DTNBP1: variants seen among roughly 807,000 people sequenced by gnomAD.
DTNBP1 encodes dysbindin.
In DTNBP1, 35 loss-of-function variants were observed where a neutral mutation model predicts 42.8. The ratio of observed to expected loss-of-function variants is 0.82; its 90% CI spans 0.63 to 1.09. The LOEUF is 1.09. Ranked by LOEUF, DTNBP1 falls within the 50% of genes least tolerant of loss-of-function variation. The pLI, the probability that DTNBP1 is intolerant of heterozygous loss-of-function variation, is 0.00. For missense variants in DTNBP1, 457 were observed against 424.2 expected (o/e 1.08, Z -0.68); for synonymous variants, 171 against 162.2 (o/e 1.05, Z -0.41).
In DTNBP1 at chr6:15,627,340, TACTC is replaced by T; in HGVS notation, c.354_355+2del. 1 of 1,613,322 alleles carries T rather than the reference TACTC, an allele frequency of 6.2e-7. No individual in the cohort carries two copies. Among genetic ancestry groups the T allele is most frequent in the South Asian group, 1.1e-5 (1 of 91,052 alleles). On this transcript the variant is annotated splice_donor_variant and coding_sequence_variant, in exon 5 of 10. Coordinates refer to ENST00000344537, the MANE Select transcript of DTNBP1 (RefSeq NM_032122.5). LOFTEE classifies it high-confidence loss of function. ...TAATGTACAATGAAAACATTGGACT[TACTC>T]AGATTTGCTGTCATGGATTCTAAGT...
At chr6:15,569,843 G>A (rs576312970) in intron 7 of DTNBP1, among the ~76,000 whole-genome samples, 17 of 152,128 alleles carry the variant, frequency 1.1e-4, no homozygotes, top group Admixed American at 9.2e-4. Flanking sequence ...TAGTCACCAC[G>A]TCAGGTAGTC....
rs70996562 is a variant in DTNBP1, at chr6:15,636,157, C to CTTTTTTTTTTTTTTTT, written c.222+1586_222+1587insAAAAAAAAAAAAAAAA. Reference sequence around the variant, plus strand: ...GTCAAAGAACACAAATTACCTGCACCTTTTTTTTTTTTTTTGAGACAGAGT... The same window carrying CTTTTTTTTTTTTTTTT: ...GTCAAAGAACACAAATTACCTGCACCTTTTTTTTTTTTTTTTTTTTTTTTTTTTTTTGAGACAGAGT... On this transcript the variant is annotated intron_variant, in intron 4 of 9. Coordinates refer to ENST00000344537, the MANE Select transcript of DTNBP1 (RefSeq NM_032122.5). Among the ~76,000 whole-genome samples, 20 of 127,024 alleles carry CTTTTTTTTTTTTTTTT rather than the reference C, an allele frequency of 1.6e-4. 3 individuals carry two copies. Among genetic ancestry groups the CTTTTTTTTTTTTTTTT allele is most frequent in the African/African-American group, 4.1e-4 (13 of 31,564 alleles). The allele number at this position is 127,024 out of a possible 152,430, so 83.3% of individuals were successfully genotyped here.
At chr6:15,650,112 G>C (rs905185497) in intron 3 of DTNBP1, among the ~76,000 whole-genome samples, 3 of 152,104 alleles carry the variant, frequency 2.0e-5, no homozygotes, top group African/African-American at 7.2e-5. Context: ...AACTAGAAAG[G>C]AGAAAGGAAA....
intron 6 of DTNBP1, among the ~76,000 whole-genome samples, chr6:15,609,405 C>T (rs540819917): frequency 9.2e-5 from 14 of 152,068 alleles, no homozygotes; most frequent in South Asian, 4.2e-4. Context: ...CTGCAACCTC[C>T]GCCTCCCGGG....
rs1363970460 is a variant in DTNBP1, at chr6:15,524,607, T to C, written c.730A>G (p.Met244Val). ...NVDMLEQMDLMDISDQEALDV... is the reference protein window; with the variant it reads ...NVDMLEQMDLVDISDQEALDV... ...AGGGCCTCCTGGTCCGATATGTCCA[T>C]CAGGTCCATCTGCTCCAGCATGTCC... The change falls in exon 9 of 10, where the codon ATG becomes GTG. Residue 244 changes from methionine to valine, a missense_variant. By Grantham distance (21) the Met-to-Val change is conservative. Coordinates refer to ENST00000344537, the MANE Select transcript of DTNBP1 (RefSeq NM_032122.5). 1.2e-6 allele frequency: 2 copies of C among 1,613,960 alleles called. No homozygotes were observed. Among genetic ancestry groups the C allele is most frequent in the Non-Finnish European group, 1.7e-6 (2 of 1,179,946 alleles).
chr6:15,655,066 T>C (rs1016688429), intron 1 of DTNBP1, among the ~76,000 whole-genome samples: 1 of 152,126 alleles, frequency 6.6e-6, no homozygotes. Context: ...ATCTCAGCAA[T>C]GGATATATGT....
intron 4 of DTNBP1, among the ~76,000 whole-genome samples, chr6:15,632,794 C>A (rs1288175518): frequency 6.6e-6 from 1 of 152,102 alleles, no homozygotes; most frequent in Non-Finnish European, 1.5e-5. Flanking sequence ...GTCAAGTTAA[C>A]CTTTTAATTC....
chr6:15,524,170 T>C, intron 9 of DTNBP1: 1 of 1,441,738 alleles, frequency 6.9e-7, no homozygotes, highest in African/African-American at 1.4e-5. Context: ...GAGTTTCCCG[T>C]GAGCCCCGCA....
At chr6:15,610,348 C>T (rs1017065562) in intron 6 of DTNBP1, among the ~76,000 whole-genome samples, 15 of 152,186 alleles carry the variant, frequency 9.9e-5, no homozygotes, top group African/African-American at 2.4e-5. Flanking sequence ...CTGACTGCTC[C>T]ACTGACCAGC....
chr6:15,631,450 C>G (rs186096823), intron 4 of DTNBP1, among the ~76,000 whole-genome samples: 182 of 151,834 alleles, frequency 1.2e-3, no homozygotes, highest in Non-Finnish European at 2.1e-3. Flanking sequence ...TAAAGCTCCT[C>G]TATAGGACAC....
Position 15,555,882 on chromosome 6 carries a change from A to G in DTNBP1, c.512-22487T>C, listed in dbSNP as rs372879851. 3.9e-5 allele frequency among the ~76,000 whole-genome samples: 6 copies of G among 152,316 alleles called. No homozygotes were observed. In the South Asian group the frequency reaches 1.2e-3, roughly 32 times the overall value. Reference sequence around the variant, plus strand: ...CCTTCATTCTTGAACAAGATCCAAGAACCCTCTCTTGGGGTCTGGATTGGG... The same window carrying G: ...CCTTCATTCTTGAACAAGATCCAAGGACCCTCTCTTGGGGTCTGGATTGGG... On this transcript the variant is annotated intron_variant, in intron 7 of 9. Coordinates refer to ENST00000344537, the MANE Select transcript of DTNBP1 (RefSeq NM_032122.5).
At chr6:15,625,857 G>A (rs939760436) in intron 5 of DTNBP1, among the ~76,000 whole-genome samples, 4 of 152,168 alleles carry the variant, frequency 2.6e-5, no homozygotes, top group Non-Finnish European at 2.9e-5. Flanking sequence ...AGAATGTTCC[G>A]AACATCTTAA....
At chr6:15,639,892 T>C (rs1376195606) in intron 3 of DTNBP1, among the ~76,000 whole-genome samples, 9 of 152,198 alleles carry the variant, frequency 5.9e-5, no homozygotes, top group African/African-American at 2.2e-4. Flanking sequence ...AATCCTCACT[T>C]GCCAAATTTA....
intron 6 of DTNBP1, among the ~76,000 whole-genome samples, chr6:15,612,500 C>A (rs1019860052): frequency 3.9e-5 from 6 of 152,148 alleles, no homozygotes; most frequent in Admixed American, 3.9e-4. Context: ...TATTCATATA[C>A]TTTTTGTATT....
intron 7 of DTNBP1, among the ~76,000 whole-genome samples, chr6:15,542,621 C>T (rs752148354): frequency 5.3e-5 from 8 of 152,104 alleles, no homozygotes; most frequent in Admixed American, 6.5e-5. Flanking sequence ...CCACCCGCCT[C>T]GGCCTCCCAA....
intron 7 of DTNBP1, among the ~76,000 whole-genome samples, chr6:15,563,904 T>C (rs898291526): frequency 6.6e-6 from 1 of 151,974 alleles, no homozygotes; most frequent in East Asian, 1.9e-4. Context: ...TGAAACCCTG[T>C]CTCTACTAAA....
Position 15,532,654 on chromosome 6 carries a change from G to A in DTNBP1, c.667+586C>T, listed in dbSNP as rs191971549. On this transcript the variant is annotated intron_variant, in intron 8 of 9. Coordinates refer to ENST00000344537, the MANE Select transcript of DTNBP1 (RefSeq NM_032122.5). ...GCTATTTTTCTTTTTTTCCATTTTG[G>A]TAATTTTGCAGGTTCTCTAGAAGCA... Among the ~76,000 whole-genome samples the A allele has an allele frequency of 3.0e-3, 446 of 147,876 alleles. 2 individuals carry two copies. The highest frequency in any genetic ancestry group is 0.011 in the Middle Eastern group (3 of 280).
At chr6:15,541,858 A>G (rs570607610) in intron 7 of DTNBP1, among the ~76,000 whole-genome samples, 1 of 152,210 alleles carries the variant, frequency 6.6e-6, no homozygotes, top group African/African-American at 2.4e-5. Flanking sequence ...TCTACAACTA[A>G]GCCTTTTAAC....
chr6:15,626,239 T>G (rs908451597), intron 5 of DTNBP1, among the ~76,000 whole-genome samples: 2 of 152,246 alleles, frequency 1.3e-5, no homozygotes, highest in Non-Finnish European at 2.9e-5. Flanking sequence ...TAATAAAAGC[T>G]ACTTTTGTGG....
Sources: allele counts gnomAD v4.1 joint callset (sites outside exome capture counted in the v4.1 genomes callset), GRCh38; gene constraint gnomAD v4.1.1; transcripts MANE v1.5; gene names NCBI Gene and HGNC (gene_info 2026-07-23, HGNC 2026-07-21).